Variants in JCHAIN observed in about 807,000 individuals in gnomAD.
JCHAIN encodes immunoglobulin J chain.
Under a neutral mutation model 11.1 loss-of-function variants are expected in JCHAIN, and 5 were observed. That is an observed-to-expected ratio of 0.45 (90% CI 0.24 to 0.95). JCHAIN has a LOEUF of 0.95. Among genes scored for constraint, JCHAIN ranks in the 40% least tolerant of loss-of-function variants. The pLI is 0.21. For missense variants in JCHAIN, 165 were observed against 192.7 expected, an observed-to-expected ratio of 0.86 and a Z score of 0.85; for synonymous variants, 51 against 67.8, an observed-to-expected ratio of 0.75 and a Z score of 1.22.
chr4:70,660,677 C>G lies in JCHAIN; in HGVS notation c.188+1415G>C, dbSNP rs150283889. On this transcript the variant is annotated intron_variant, in intron 2 of 3. Coordinates refer to ENST00000254801, the MANE Select transcript of JCHAIN (RefSeq NM_144646.4). ...GGCATTACAGGCATGAGCCACCGTG[C>G]CCAGCCCCAGTAGTGCTGAATTTTT... Among the ~76,000 whole-genome samples the G allele has an allele frequency of 8.4e-3, 1,279 of 152,238 alleles. 12 individuals carry two copies. Among genetic ancestry groups the G allele is most frequent in the African/African-American group, 0.028 (1,181 of 41,514 alleles).
At chr4:70,663,918 G>C (rs531244797) in intron 1 of JCHAIN, among the ~76,000 whole-genome samples, 16 of 151,506 alleles carry the variant, frequency 1.1e-4, no homozygotes, top group African/African-American at 3.9e-4. Context: ...TATTAAATAA[G>C]AGTGCTAATT....
intron 2 of JCHAIN, among the ~76,000 whole-genome samples, chr4:70,659,331 C>T (rs1475265653): frequency 2.0e-5 from 3 of 151,264 alleles, no homozygotes; most frequent in Non-Finnish European, 3.0e-5. Context: ...AGGTGGATTG[C>T]TTGAGGTCAG....
At chr4:70,659,955 T>A (rs966339497) in intron 2 of JCHAIN, among the ~76,000 whole-genome samples, 8 of 152,022 alleles carry the variant, frequency 5.3e-5, no homozygotes, top group Non-Finnish European at 1.0e-4. Flanking sequence ...GATCAACACA[T>A]CAGGCAAAGT....
intron 1 of JCHAIN, among the ~76,000 whole-genome samples, chr4:70,664,355 C>T (rs553597802): frequency 1.1e-4 from 17 of 151,704 alleles, no homozygotes; most frequent in Non-Finnish European, 2.5e-4. Context: ...ATTTAGTATA[C>T]GAATTCAAGT....
At chr4:70,657,666 C>T (rs939532268) in intron 2 of JCHAIN, among the ~76,000 whole-genome samples, 2 of 152,030 alleles carry the variant, frequency 1.3e-5, no homozygotes, top group East Asian at 1.9e-4. Context: ...TATCAAATGC[C>T]GTATCATAGT....
At chr4:70,658,293 A>G (rs16845334) in intron 2 of JCHAIN, among the ~76,000 whole-genome samples, 1 of 152,170 alleles carries the variant, frequency 6.6e-6, no homozygotes, top group African/African-American at 2.4e-5. Flanking sequence ...CACTGGCCAC[A>G]TTATTGCCAA....
chr4:70,657,663 T>C (rs928155582), intron 2 of JCHAIN, among the ~76,000 whole-genome samples: 1 of 152,168 alleles, frequency 6.6e-6, no homozygotes, highest in African/African-American at 2.4e-5. Flanking sequence ...TTATATCAAA[T>C]GCCGTATCAT....
intron 2 of JCHAIN, among the ~76,000 whole-genome samples, chr4:70,659,900 T>C (rs1260688974): frequency 6.6e-6 from 1 of 151,808 alleles, no homozygotes; most frequent in African/African-American, 2.4e-5. Context: ...AATAATACCA[T>C]AATGGCACAG....
At chr4:70,658,068 T>G (rs1376168947) in intron 2 of JCHAIN, among the ~76,000 whole-genome samples, 1 of 152,150 alleles carries the variant, frequency 6.6e-6, no homozygotes, top group Non-Finnish European at 1.5e-5. Flanking sequence ...ACTCAGTATT[T>G]ATAAATACCA....
intron 1 of JCHAIN, among the ~76,000 whole-genome samples, chr4:70,662,822 G>A (rs150599558): frequency 0.012 from 1,900 of 152,104 alleles, 44 homozygotes; most frequent in African/African-American, 0.045. Context: ...AGCCGGGCAT[G>A]GTGGTGCATG....
Position 70,666,470 on chromosome 4 carries a change from G to T in JCHAIN, c.21C>A (p.Phe7Leu), listed in dbSNP as rs760620807. 1 of 1,613,138 alleles carries T rather than the reference G, an allele frequency of 6.2e-7. No homozygotes were observed. The highest frequency in any genetic ancestry group is 1.1e-5 in the South Asian group (1 of 91,062). Reference sequence around the variant, plus strand: ...TAATAAAAACCGCCAGGACTCCCCAGAAAAGCAAATGGTTCTTCATCTTGA... The same window carrying T: ...TAATAAAAACCGCCAGGACTCCCCATAAAAGCAAATGGTTCTTCATCTTGA... MKNHLL[F>L]WGVLAVFIKA... The change falls in exon 1 of 4, where the codon TTC (phenylalanine) becomes TTA (leucine). Residue 7 changes from phenylalanine (F) to leucine (L), a missense_variant. Coordinates refer to ENST00000254801, the MANE Select transcript of JCHAIN (RefSeq NM_144646.4).
intron 1 of JCHAIN, chr4:70,663,963 T>C: frequency 6.6e-6 from 1 of 150,874 alleles, no homozygotes; most frequent in Admixed American, 6.6e-5. Flanking sequence ...GTGCAGTGGC[T>C]CACGCCTGTA....
chr4:70,658,775 TCTC>T (rs1739001878), intron 2 of JCHAIN, among the ~76,000 whole-genome samples: 1 of 151,984 alleles, frequency 6.6e-6, no homozygotes, highest in East Asian at 1.9e-4. Flanking sequence ...CTGCCACCCT[TCTC>T]CTCTCCCCCA....
intron 2 of JCHAIN, among the ~76,000 whole-genome samples, chr4:70,658,645 T>C (rs114724730): frequency 6.6e-6 from 1 of 152,302 alleles, no homozygotes; most frequent in Non-Finnish European, 1.5e-5. Context: ...TTTCCTGGAA[T>C]GACCTGCCCC....
At chr4:70,659,106 A>T (rs919157235) in intron 2 of JCHAIN, among the ~76,000 whole-genome samples, 1 of 152,236 alleles carries the variant, frequency 6.6e-6, no homozygotes, top group African/African-American at 2.4e-5. Flanking sequence ...TTTATGAATT[A>T]TTGTATTTAA....
At chr4:70,657,168 T>G (rs1315130067) in intron 3 of JCHAIN, 43 bp downstream of exon 3, 1 of 1,021,602 alleles carries the variant, frequency 9.8e-7, no homozygotes, top group Non-Finnish European at 1.5e-6. Flanking sequence ...TAAAAGCTAT[T>G]AACTTCCACA....
chr4:70,665,130 A>C (rs1419342251), intron 1 of JCHAIN, among the ~76,000 whole-genome samples: 1 of 152,202 alleles, frequency 6.6e-6, no homozygotes, highest in Admixed American at 6.5e-5. Context: ...CATATGCTAG[A>C]TATGACCATA....
chr4:70,656,889 G>T (rs981294388), intron 3 of JCHAIN, among the ~76,000 whole-genome samples: 1 of 152,050 alleles, frequency 6.6e-6, no homozygotes, highest in Non-Finnish European at 1.5e-5. Flanking sequence ...ATTGATGTTG[G>T]AGTCTGTCAT....
At chr4:70,656,610 C>T (rs1485192390) in intron 3 of JCHAIN, 71 bp from the exon 4 acceptor site, 1 of 1,148,430 alleles carries the variant, frequency 8.7e-7, no homozygotes, top group East Asian at 2.4e-5. Context: ...ACATTTCAAT[C>T]CAAAATCAAT....
Sources: allele counts gnomAD v4.1 joint callset (sites outside exome capture counted in the v4.1 genomes callset), GRCh38; gene constraint gnomAD v4.1.1; transcripts MANE v1.5; gene names NCBI Gene and HGNC (gene_info 2026-07-23, HGNC 2026-07-21).